Variants in ADAT1 observed in about 807,000 individuals in gnomAD.
The protein encoded by ADAT1 is tRNA-specific adenosine deaminase 1.
In ADAT1, 58 loss-of-function variants were observed where a neutral mutation model predicts 58.6. The ratio of observed to expected loss-of-function variants is 0.99; its 90% CI spans 0.80 to 1.23. The LOEUF (loss-of-function observed/expected upper bound fraction) is 1.23, where lower values mean the gene tolerates loss of function less well. Among genes scored for constraint, ADAT1 ranks in the 50% most tolerant of loss-of-function variants. The probability of loss-of-function intolerance (pLI) is 0.00; values close to 1 mark genes in which losing one functional copy is unlikely to be tolerated. For synonymous variants in ADAT1, 254 were observed against 220.8 expected (o/e 1.15, Z -1.33); for missense variants, 741 against 608.6 (o/e 1.22, Z -2.29).
Position 75,617,233 on chromosome 16 carries a change from T to C in ADAT1, c.333A>G (p.Lys111=), listed in dbSNP as rs758761615. Residue 111 remains lysine (K), a synonymous_variant, in exon 5 of 10, where the codon AAA becomes AAG. Coordinates refer to ENST00000564657, the MANE Select transcript of ADAT1 (RefSeq NM_001324445.2). The stretch of plus-strand genomic sequence containing the variant: ...TTCCTGGGACAAAGATGCTATCCTC[T>C]TTCAGGGTGGCTGCCAACTGGAGTT... ...LHQLQLAATL[K]EDSIFVPGTQ... is the part of the protein sequence containing the mutation. 3.1e-6 allele frequency: 5 copies of C among 1,613,930 alleles called. No homozygotes were observed. The South Asian group carries it at 5.5e-5, about 18-fold the overall frequency.
intron 4 of ADAT1, 85 bp from the exon 5 acceptor site, chr16:75,617,357 C>A: frequency 1.4e-6 from 2 of 1,467,172 alleles, no homozygotes; most frequent in South Asian, 1.2e-5. Context: ...ACTAAGACAG[C>A]TTACTGTAGA....
intron 8 of ADAT1, among the ~76,000 whole-genome samples, chr16:75,606,206 G>A (rs140470565): frequency 1.1e-3 from 165 of 152,146 alleles, no homozygotes; most frequent in African/African-American, 3.7e-3. Flanking sequence ...GCAACCAACA[G>A]TAATTGCCAC....
Position 75,600,243 on chromosome 16 carries a change from G to A in ADAT1, c.1482C>T (p.Asn494=). The change falls in exon 10 of 10, where the codon AAC becomes AAT. Residue 494 remains asparagine (N), a synonymous_variant. Transcript: ENST00000564657. ...RKQVFGSWIR[N]PPDYHQFK is the part of the protein sequence containing the mutation. ...ACTTGAACTGGTGATAATCCGGTGG[G>A]TTTCTGATCCAGGATCCAAACACCT... 1 of 1,614,180 alleles carries A rather than the reference G, an allele frequency of 6.2e-7. No homozygotes were observed. Among genetic ancestry groups the A allele is most frequent in the Non-Finnish European group, 8.5e-7 (1 of 1,180,016 alleles).
chr16:75,618,744 G>A (rs767657487), intron 3 of ADAT1, 104 bp from the exon 4 acceptor site: 4 of 1,355,910 alleles, frequency 3.0e-6, no homozygotes, highest in Non-Finnish European at 4.1e-6. Context: ...GGATGGTCAT[G>A]TAGCTCCTGG....
intron 8 of ADAT1, among the ~76,000 whole-genome samples, chr16:75,607,753 T>C (rs78820445): frequency 1.6e-3 from 240 of 152,220 alleles, no homozygotes; most frequent in African/African-American, 5.3e-3. Context: ...TGAAAACATA[T>C]GGCCATGCAA....
intron 8 of ADAT1, among the ~76,000 whole-genome samples, chr16:75,606,503 T>C (rs1418499257): frequency 6.6e-6 from 1 of 152,144 alleles, no homozygotes; most frequent in East Asian, 1.9e-4. Context: ...AGCCACTGAG[T>C]CGTGAAGCTG....
At chr16:75,611,539 A>G (rs1444250538) in intron 6 of ADAT1, among the ~76,000 whole-genome samples, 1 of 151,916 alleles carries the variant, frequency 6.6e-6, no homozygotes, top group Non-Finnish European at 1.5e-5. Flanking sequence ...TGCGTGCCAC[A>G]TCTGGCTAGT....
chr16:75,618,812 C>G (rs976920886), intron 3 of ADAT1, 172 bp from the exon 4 acceptor site: 4 of 696,720 alleles, frequency 5.7e-6, no homozygotes, highest in Non-Finnish European at 9.3e-6. Context: ...TGCAGGGTTT[C>G]TCAACCCAGC....
chr16:75,603,535 A>G (rs1211312811), intron 8 of ADAT1, among the ~76,000 whole-genome samples: 1 of 152,122 alleles, frequency 6.6e-6, no homozygotes, highest in Non-Finnish European at 1.5e-5. Context: ...TGTTTCAGAG[A>G]TCTGAGTGCT....
At chr16:75,602,055 G>A (rs182458747) in intron 9 of ADAT1, 17 of 152,158 alleles carry the variant, frequency 1.1e-4, no homozygotes, top group African/African-American at 4.1e-4. Context: ...GACTCATGGT[G>A]GGCCCCCGAG....
At chr16:75,621,134 C>T (rs1176191882) in intron 1 of ADAT1, among the ~76,000 whole-genome samples, 1 of 151,960 alleles carries the variant, frequency 6.6e-6, no homozygotes, top group African/African-American at 2.4e-5. Flanking sequence ...GAAATGTCCT[C>T]ACTACTCCAG....
At chr16:75,613,285 G>C (rs140657787) in intron 5 of ADAT1, among the ~76,000 whole-genome samples, 76 of 152,292 alleles carry the variant, frequency 5.0e-4, no homozygotes, top group African/African-American at 1.8e-3. Context: ...GTTTAGACCA[G>C]GGTTTCTCAA....
At chr16:75,620,115 G>T in intron 3 of ADAT1, 151 bp downstream of exon 3, 1 of 699,646 alleles carries the variant, frequency 1.4e-6, no homozygotes, top group Non-Finnish European at 2.5e-6. Flanking sequence ...CATTCTCCAA[G>T]TGAGTACGGT....
At chr16:75,620,370 A>G (rs898653318) in intron 2 of ADAT1, 36 bp from the exon 3 acceptor site, 1 of 1,607,950 alleles carries the variant, frequency 6.2e-7, no homozygotes, top group Non-Finnish European at 8.5e-7. Flanking sequence ...AGTTCTGAGA[A>G]ACGGAATGTT....
At chr16:75,616,329 C>G (rs895040561) in intron 5 of ADAT1, among the ~76,000 whole-genome samples, 1 of 152,058 alleles carries the variant, frequency 6.6e-6, no homozygotes, top group Non-Finnish European at 1.5e-5. Context: ...TAAGCTGTAT[C>G]TATATTTTCA....
At chr16:75,619,379 TTAGCTGCACA>T (rs2151784333) in intron 3 of ADAT1, among the ~76,000 whole-genome samples, 1 of 151,900 alleles carries the variant, frequency 6.6e-6, no homozygotes, top group Non-Finnish European at 1.5e-5. Context: ...ATGAAAAAAA[TTAGCTGCACA>T]TAGGTGTGCA....
intron 5 of ADAT1, among the ~76,000 whole-genome samples, chr16:75,616,340 A>G (rs771745411): frequency 1.4e-4 from 21 of 151,890 alleles, no homozygotes; most frequent in Admixed American, 1.0e-3. Flanking sequence ...TATATTTTCA[A>G]TTTGAGTTAT....
chr16:75,603,047 C>G (rs778960366), intron 9 of ADAT1, 38 bp downstream of exon 9: 16 of 1,577,494 alleles, frequency 1.0e-5, no homozygotes, highest in Non-Finnish European at 1.3e-5. Flanking sequence ...AAACAGTTGT[C>G]TACCTAAATA....
At position 75,618,639 on chromosome 16, in the gene ADAT1, T is replaced by C. The variant is rs781471195; in HGVS notation, c.240A>G (p.Gly80=). The C allele has an allele frequency of 6.2e-7, 1 of 1,612,776 alleles. No individual in the cohort carries two copies. The highest frequency in any genetic ancestry group is 1.1e-5 in the South Asian group (1 of 90,966). The change falls in exon 4 of 10, where the codon GGA becomes GGG. Residue 80 remains glycine, a splice_region_variant and synonymous_variant. Coordinates refer to ENST00000564657, the MANE Select transcript of ADAT1 (RefSeq NM_001324445.2). ...CIGQSKMRKN[G]DILNDSHAEV... ...CAGCATGGCTATCATTGAGGATGTC[T>C]CCTGCGGCAAAGATAGGACACCAGG...
Sources: allele counts gnomAD v4.1 joint callset (sites outside exome capture counted in the v4.1 genomes callset), GRCh38; gene constraint gnomAD v4.1.1; transcripts MANE v1.5; gene names NCBI Gene and HGNC (gene_info 2026-07-23, HGNC 2026-07-21).